ENDOV: variants seen among roughly 807,000 people sequenced by gnomAD.
ENDOV encodes endonuclease V.
Under a neutral mutation model 39.4 loss-of-function variants are expected in ENDOV, and 37 were observed. That is an observed-to-expected ratio of 0.94 (90% CI 0.72 to 1.23). The LOEUF is 1.23. ENDOV is among the 50% of genes most tolerant of loss of function. The pLI is 0.00. For missense variants in ENDOV, 441 were observed against 375.7 expected (o/e 1.17, Z -1.44); for synonymous variants, 186 against 163.4 (o/e 1.14, Z -1.05).
In ENDOV at chr17:80,437,729, G is replaced by GC. The variant is rs2083638262; in HGVS notation, c.*1590dup. 6.6e-6 allele frequency: 1 copy of GC among 152,200 alleles called. No individual in the cohort carries two copies. The highest frequency in any genetic ancestry group is 1.5e-5 in the Non-Finnish European group (1 of 68,050). The allele number at this position is 152,200 out of a possible 1,614,324, so 9.4% of individuals were successfully genotyped here. On this transcript the variant is annotated 3_prime_UTR_variant, in exon 10 of 10. Coordinates refer to ENST00000518137, the MANE Select transcript of ENDOV (RefSeq NM_173627.5). ...AAAACAAAACAGGAAAGAACACACG[G>GC]CCCCGCGTCTGTTGCCTGAGTCACT...
At chr17:80,424,932 G>A in intron 5 of ENDOV, 100 bp from the exon 6 acceptor site, 2 of 988,392 alleles carry the variant, frequency 2.0e-6, no homozygotes, top group Non-Finnish European at 3.1e-6. Context: ...TTCAGCCTGG[G>A]CAACAGTGCG....
intron 9 of ENDOV, among the ~76,000 whole-genome samples, chr17:80,431,015 C>A (rs1261221834): frequency 1.3e-5 from 2 of 152,196 alleles, no homozygotes; most frequent in East Asian, 3.9e-4. Flanking sequence ...CGGCTGGCCT[C>A]CAGATCCCAG....
chr17:80,429,008 G>A (rs1160251598), intron 8 of ENDOV, among the ~76,000 whole-genome samples: 4 of 152,204 alleles, frequency 2.6e-5, no homozygotes, highest in Non-Finnish European at 5.9e-5. Flanking sequence ...CAGAAAAGGC[G>A]TGGCCTCGGA....
In ENDOV at chr17:80,425,526, T is replaced by A. The variant is rs1247027812; in HGVS notation, c.620T>A (p.Leu207His). The change falls in exon 7 of 10, where the codon CTC (leucine) becomes CAC (histidine). Residue 207 changes from leucine (L) to histidine (H), a missense_variant. By Grantham distance (99) the Leu-to-His change is moderately conservative (BLOSUM62 -3). Transcript: ENST00000518137. The stretch of plus-strand genomic sequence containing the variant: ...AGCCACGACCGCAGCACCAGGCCCC[T>A]CTACATCTCCGTGGGCCACAGGATG... ...LRSHDRSTRP[L>H]YISVGHRMSL... 2 of 1,597,696 alleles carry A rather than the reference T, an allele frequency of 1.3e-6. No individual in the cohort carries two copies. The highest frequency in any genetic ancestry group is 4.5e-5 in the East Asian group (2 of 44,382).
intron 8 of ENDOV, among the ~76,000 whole-genome samples, chr17:80,428,978 G>C (rs1424333316): frequency 1.3e-5 from 2 of 152,214 alleles, no homozygotes; most frequent in African/African-American, 4.8e-5. Flanking sequence ...AGCCTGTGAG[G>C]TACCAGGACG....
intron 9 of ENDOV, among the ~76,000 whole-genome samples, chr17:80,434,051 T>G (rs909187497): frequency 6.6e-6 from 1 of 152,198 alleles, no homozygotes; most frequent in Non-Finnish European, 1.5e-5. Context: ...TATCCATTAG[T>G]AGTCACTCCC....
chr17:80,434,392 G>T (rs2083487555), intron 9 of ENDOV, among the ~76,000 whole-genome samples: 1 of 152,168 alleles, frequency 6.6e-6, no homozygotes, highest in Non-Finnish European at 1.5e-5. Context: ...TGTGAATAAT[G>T]CTGCAATGAA....
chr17:80,419,409 G>T (rs1229482040), intron 2 of ENDOV: 1 of 600,742 alleles, frequency 1.7e-6, no homozygotes, highest in Non-Finnish European at 3.0e-6. Flanking sequence ...TGGCTGGTGT[G>T]TGCTGCTCCG....
chr17:80,429,656 T>C, intron 8 of ENDOV, 117 bp from the exon 9 acceptor site: 2 of 963,872 alleles, frequency 2.1e-6, no homozygotes, highest in Non-Finnish European at 3.1e-6. Flanking sequence ...TGCCCTGGGC[T>C]GTAGCAGGTC....
Position 80,425,547 on chromosome 17 carries a change from G to T in ENDOV, c.641G>T (p.Arg214Met). Residue 214 changes from arginine (R) to methionine (M), a missense_variant, in exon 7 of 10, where the codon AGG becomes ATG. Coordinates refer to ENST00000518137, the MANE Select transcript of ENDOV (RefSeq NM_173627.5). Reference sequence around the variant, plus strand: ...CCCCTCTACATCTCCGTGGGCCACAGGATGAGCCTGGAGGCCGCTGTGCGC... The same window carrying T: ...CCCCTCTACATCTCCGTGGGCCACATGATGAGCCTGGAGGCCGCTGTGCGC... ...TRPLYISVGH[R>M]MSLEAAVRLT... The T allele has an allele frequency of 6.3e-7, 1 of 1,594,324 alleles. No individual in the cohort carries two copies.
At chr17:80,427,920 G>A in intron 7 of ENDOV, 1 of 1,196,222 alleles carries the variant, frequency 8.4e-7, no homozygotes, top group Non-Finnish European at 1.1e-6. Flanking sequence ...CAGGCTGGGG[G>A]ATTAGCCGTT....
intron 2 of ENDOV, among the ~76,000 whole-genome samples, chr17:80,421,441 C>T (rs533321463): frequency 3.3e-5 from 5 of 149,968 alleles, no homozygotes; most frequent in Admixed American, 2.6e-4. Context: ...AGTTGGGGCT[C>T]CTCCAGTGGA....
At chr17:80,430,042 T>C in intron 9 of ENDOV, 1 of 1,535,754 alleles carries the variant, frequency 6.5e-7, no homozygotes, top group Non-Finnish European at 8.7e-7. Flanking sequence ...CAGCCGCAGG[T>C]GGAGCACCCA....
rs558864955 is a variant in ENDOV at position 80,437,502 on chromosome 17, C to G, written c.*1359C>G. 1 of 152,824 alleles carries G rather than the reference C, an allele frequency of 6.5e-6. No homozygotes were observed. Among genetic ancestry groups the G allele is most frequent in the Non-Finnish European group, 1.5e-5 (1 of 68,092 alleles). 9.5% of individuals were successfully genotyped at this position (152,824 alleles called of 1,614,324 possible). A position where few individuals can be genotyped will look rare whatever the true frequency, so the allele number is the denominator to read the frequency against. On this transcript the variant is annotated 3_prime_UTR_variant, in exon 10 of 10. Coordinates refer to ENST00000518137, the MANE Select transcript of ENDOV (RefSeq NM_173627.5). ...GTTAAGTGGGTGTGGGGCTCCGAAC[C>G]CTAAATGGGTGAGAGTTGAAATGAA...
intron 8 of ENDOV, among the ~76,000 whole-genome samples, chr17:80,428,874 C>T (rs2083059056): frequency 6.6e-6 from 1 of 152,202 alleles, no homozygotes; most frequent in South Asian, 2.1e-4. Flanking sequence ...TCCAGAAACA[C>T]CACTGCCTCC....
At chr17:80,430,337 T>C in intron 9 of ENDOV, 2 of 1,526,644 alleles carry the variant, frequency 1.3e-6, no homozygotes, top group Non-Finnish European at 1.8e-6. Flanking sequence ...TTGCTTGCTC[T>C]TTTTTATTCT....
chr17:80,426,872 T>G (rs1025672673), intron 7 of ENDOV, among the ~76,000 whole-genome samples: 18 of 152,330 alleles, frequency 1.2e-4, no homozygotes, highest in Admixed American at 1.0e-3. Context: ...GACGCAGGTC[T>G]GCACAAGCCA....
chr17:80,432,509 C>T (rs1186160282), intron 9 of ENDOV, among the ~76,000 whole-genome samples: 1 of 152,060 alleles, frequency 6.6e-6, no homozygotes, highest in Non-Finnish European at 1.5e-5. Flanking sequence ...GTAACACCAA[C>T]CGAGCACAGC....
At chr17:80,430,863 T>C (rs1436946279) in intron 9 of ENDOV, among the ~76,000 whole-genome samples, 2 of 152,190 alleles carry the variant, frequency 1.3e-5, no homozygotes, top group African/African-American at 2.4e-5. Context: ...AAAGCAGCCC[T>C]AGGCCCCTGT....
Sources: allele counts gnomAD v4.1 joint callset (sites outside exome capture counted in the v4.1 genomes callset), GRCh38; gene constraint gnomAD v4.1.1; transcripts MANE v1.5; gene names NCBI Gene and HGNC (gene_info 2026-07-23, HGNC 2026-07-21).